RTL3: variants seen among roughly 807,000 people sequenced by gnomAD.
The protein encoded by RTL3 is retrotransposon Gag like 3.
For synonymous variants in RTL3, 181 were observed against 132.2 expected (o/e 1.37, Z -2.53); for missense variants, 468 against 341.8 (o/e 1.37, Z -2.91).
At position 78,657,109 on chromosome X, in the gene RTL3, G is replaced by T; in HGVS notation, c.1312C>A (p.Arg438Ser). The T allele has an allele frequency of 8.2e-7, 1 of 1,212,161 alleles. No homozygotes were observed. The highest frequency in any genetic ancestry group is 1.1e-6 in the Non-Finnish European group (1 of 895,589). The change falls in exon 2 of 2, where the codon CGT (arginine) becomes AGT (serine). Residue 438 changes from arginine (R) to serine (S), a missense_variant. Arg to Ser is a moderately radical substitution (Grantham distance 110). Coordinates refer to ENST00000321110, the MANE Select transcript of RTL3 (RefSeq NM_152694.3). The stretch of plus-strand genomic sequence containing the variant: ...AGGCATAAGCGGCCTTTGTGCCAAC[G>T]GACCCATTCAGCTTCACTGATGTGT... ...CPHISEAEWV[R>S]WHKGRLCLYC...
In RTL3 at chrX:78,657,477, G is replaced by A. The variant is rs1321043532; in HGVS notation, c.944C>T (p.Thr315Ile). The A allele has an allele frequency of 8.3e-7, 1 of 1,206,193 alleles. No individual in the cohort carries two copies. Among genetic ancestry groups the A allele is most frequent in the African/African-American group, 1.8e-5 (1 of 57,112 alleles). The part of the protein sequence containing the change: ...CESFIPVLQD[T>I]FDNPENMKDA... ...TTTCATGTTTTCTGGATTATCAAAA[G>A]TATCCTGGAGCACAGGTATGAAACT... is the stretch of plus-strand genomic sequence containing the variant. Residue 315 changes from threonine (T) to isoleucine (I), a missense_variant, in exon 2 of 2, where the codon ACT (threonine) becomes ATT (isoleucine). Coordinates refer to ENST00000321110, the MANE Select transcript of RTL3 (RefSeq NM_152694.3).
At chrX:78,658,906 G>A (rs1236224395) in intron 1 of RTL3, among the ~76,000 whole-genome samples, 1 of 110,998 alleles carries the variant, frequency 9.0e-6, no homozygotes, top group East Asian at 2.8e-4. Context: ...GTTTTATATA[G>A]TCTTTAATCT....
Position 78,657,113 on chromosome X carries a change from C to T in RTL3, c.1308G>A (p.Trp436Ter). ...INCPHISEAEWVRWHKGRLCL... is the reference protein window; with the variant it reads ...INCPHISEAE ...ATAAGCGGCCTTTGTGCCAACGGAC[C>T]CATTCAGCTTCACTGATGTGTGGGC... The change falls in exon 2 of 2, where the codon TGG (tryptophan) becomes TGA (stop). Residue 436 changes from tryptophan to a stop codon, truncating the protein, a stop_gained. Coordinates refer to ENST00000321110, the MANE Select transcript of RTL3 (RefSeq NM_152694.3). LOFTEE classifies it low-confidence loss of function (END_TRUNC). 1 of 1,212,113 alleles carries T rather than the reference C, an allele frequency of 8.3e-7. No individual in the cohort carries two copies. Among genetic ancestry groups the T allele is most frequent in the Non-Finnish European group, 1.1e-6 (1 of 895,566 alleles).
chrX:78,658,487 T>A lies in RTL3; in HGVS notation c.-67A>T. 1 of 1,007,100 alleles carries A rather than the reference T, an allele frequency of 9.9e-7. No homozygotes were observed. The highest frequency in any genetic ancestry group is 1.3e-6 in the Non-Finnish European group (1 of 755,520). The allele number at this position is 1,007,100 out of a possible 1,213,427, so 83.0% of individuals were successfully genotyped here. A position where few individuals can be genotyped will look rare whatever the true frequency, so the allele number is the denominator to read the frequency against. The stretch of plus-strand genomic sequence containing the variant: ...AGAGATTGGGTGGGTGTTTGTGAGA[T>A]CCTTCCTGAAAGCTGCTTACAGGCA... On this transcript the variant is annotated 5_prime_UTR_variant, in exon 2 of 2. Transcript: ENST00000321110.
At position 78,657,625 on chromosome X, in the gene RTL3, C is replaced by T. The variant is rs1312466892; in HGVS notation, c.796G>A (p.Gly266Arg). The change falls in exon 2 of 2, where the codon GGG (glycine) becomes AGG (arginine). Residue 266 changes from glycine (G) to arginine (R), a missense_variant. Coordinates refer to ENST00000321110, the MANE Select transcript of RTL3 (RefSeq NM_152694.3). ...GCTGCTTCAGTGGGATACAGGTGCC[C>T]TCTGACTCTCATGTAACTATACAGC... is the stretch of plus-strand genomic sequence containing the variant. Reference protein sequence around the residue: ...VQLYSYMRVRGHLYPTEAALV... With the variant: ...VQLYSYMRVRRHLYPTEAALV... The T allele has an allele frequency of 8.3e-7, 1 of 1,207,111 alleles. No homozygotes were observed. The highest frequency in any genetic ancestry group is 1.8e-5 in the South Asian group (1 of 56,028).
In RTL3 at chrX:78,657,261, G is replaced by A. The variant is rs1923016286; in HGVS notation, c.1160C>T (p.Thr387Ile). The stretch of plus-strand genomic sequence containing the variant: ...CTTCTCTTCCAGGCTGATGCACTGA[G>A]TGATGAGATCAGATAGGTTGGTGGC... Reference protein sequence around the residue: ...SPATNLSDLITQCISLEEKPD... With the variant: ...SPATNLSDLIIQCISLEEKPD... Residue 387 changes from threonine to isoleucine, a missense_variant, in exon 2 of 2, where the codon ACT becomes ATT. By Grantham distance (89) the Thr-to-Ile change is moderately conservative. Coordinates refer to ENST00000321110, the MANE Select transcript of RTL3 (RefSeq NM_152694.3). 2 of 1,210,503 alleles carry A rather than the reference G, an allele frequency of 1.7e-6. No individual in the cohort carries two copies. The highest frequency in any genetic ancestry group is 2.2e-5 in the Admixed American group (1 of 45,859).
In RTL3 at chrX:78,656,989, C is replaced by T. The variant is rs1429073762; in HGVS notation, c.*4G>A. 1 of 1,202,510 alleles carries T rather than the reference C, an allele frequency of 8.3e-7. No individual in the cohort carries two copies. Among genetic ancestry groups the T allele is most frequent in the Non-Finnish European group, 1.1e-6 (1 of 890,045 alleles). ...TTTGTAGATTGGCCCACGTGGGGTC[C>T]CCCTTACTGGCAGGCCTGGATGTTT... On this transcript the variant is annotated 3_prime_UTR_variant, in exon 2 of 2. Coordinates refer to ENST00000321110, the MANE Select transcript of RTL3 (RefSeq NM_152694.3).
chrX:78,658,305 T>A lies in RTL3; in HGVS notation c.116A>T (p.Glu39Val), dbSNP rs369781806. The A allele has an allele frequency of 3.9e-4, 470 of 1,208,841 alleles. No homozygotes were observed. The highest frequency in any genetic ancestry group is 5.2e-4 in the Non-Finnish European group (462 of 894,935). ...CTTGGCTGCTTGGGACTTCTGAAGC[T>A]CTGGGATCTGGGCCTGGAGAGCAGC... ...ENAALQAQIP[E>V]LQKSQAAKEY... is the part of the protein sequence containing the mutation. The change falls in exon 2 of 2, where the codon GAG becomes GTG. Residue 39 changes from glutamate to valine, a missense_variant. By Grantham distance (121) the Glu-to-Val change is moderately radical. Coordinates refer to ENST00000321110, the MANE Select transcript of RTL3 (RefSeq NM_152694.3).
chrX:78,658,071 G>T lies in RTL3; in HGVS notation c.350C>A (p.Pro117His). The change falls in exon 2 of 2, where the codon CCT becomes CAT. Residue 117 changes from proline to histidine, a missense_variant. Coordinates refer to ENST00000321110, the MANE Select transcript of RTL3 (RefSeq NM_152694.3). ...TTTCTGGGACTCCCGGGTTGCTGGA[G>T]GCGCCAGGGACTCTGGGGCTGCTGG... is the stretch of plus-strand genomic sequence containing the variant. ...EAPAAPESLA[P>H]PATRESQKPP... 1 of 1,152,205 alleles carries T rather than the reference G, an allele frequency of 8.7e-7. No individual in the cohort carries two copies. The highest frequency in any genetic ancestry group is 1.1e-6 in the Non-Finnish European group (1 of 870,744). 95.0% of individuals were successfully genotyped at this position (1,152,205 alleles called of 1,213,427 possible).
chrX:78,656,792 T>C lies in RTL3; in HGVS notation c.*201A>G. Reference sequence around the variant, plus strand: ...ACAGTTTCCAGCATCAGAGGGAAGATATTACTGCGGATGGGCAGCTTCTCT... The same window carrying C: ...ACAGTTTCCAGCATCAGAGGGAAGACATTACTGCGGATGGGCAGCTTCTCT... On this transcript the variant is annotated 3_prime_UTR_variant, in exon 2 of 2. Transcript: ENST00000321110. 2.3e-6 allele frequency: 1 copy of C among 435,523 alleles called. No homozygotes were observed. Among genetic ancestry groups the C allele is most frequent in the South Asian group, 4.6e-5 (1 of 21,736 alleles). The allele number at this position is 435,523 out of a possible 1,213,427, so 35.9% of individuals were successfully genotyped here. A position where few individuals can be genotyped will look rare whatever the true frequency, so the allele number is the denominator to read the frequency against.
At position 78,658,404 on chromosome X, in the gene RTL3, G is replaced by A. The variant is rs998289867; in HGVS notation, c.17C>T (p.Ala6Val). The change falls in exon 2 of 2, where the codon GCA becomes GTA. Residue 6 changes from alanine to valine, a missense_variant. By Grantham distance (64) the Ala-to-Val change is moderately conservative. Coordinates refer to ENST00000321110, the MANE Select transcript of RTL3 (RefSeq NM_152694.3). The stretch of plus-strand genomic sequence containing the variant: ...CAATTTCAGAACAATATAGGAGGCT[G>A]CTAAGTCCTCCACCATCTTTTGAGG... MVEDL[A>V]ASYIVLKLEN... The A allele has an allele frequency of 1.7e-6, 2 of 1,199,273 alleles. No individual in the cohort carries two copies. Among genetic ancestry groups the A allele is most frequent in the African/African-American group, 3.5e-5 (2 of 56,656 alleles).
rs1922995922 is a variant in RTL3, at chrX:78,656,835, A to G, written c.*158T>C. On this transcript the variant is annotated 3_prime_UTR_variant, in exon 2 of 2. Coordinates refer to ENST00000321110, the MANE Select transcript of RTL3 (RefSeq NM_152694.3). Reference sequence around the variant, plus strand: ...GCTTCTCTCGAAGAACCACAGTATGATCAATGCTGTTTCTGTAGGAGCCTG... The same window carrying G: ...GCTTCTCTCGAAGAACCACAGTATGGTCAATGCTGTTTCTGTAGGAGCCTG... 1.8e-6 allele frequency: 1 copy of G among 570,944 alleles called. No individual in the cohort carries two copies. The highest frequency in any genetic ancestry group is 3.6e-5 in the East Asian group (1 of 27,617). 47.1% of individuals were successfully genotyped at this position (570,944 alleles called of 1,213,427 possible).
At position 78,656,316 on chromosome X, in the gene RTL3, GA is replaced by G. The variant is rs397946878; in HGVS notation, c.*676del. On this transcript the variant is annotated 3_prime_UTR_variant, in exon 2 of 2. Coordinates refer to ENST00000321110, the MANE Select transcript of RTL3 (RefSeq NM_152694.3). ...TGAGATAGAGGCATGCAGAGTTAGT[GA>G]AAAAAAAAAAAGCAGCTCAAAGTCA... 100 of 100,138 alleles carry G rather than the reference GA, an allele frequency of 1.0e-3. No homozygotes were observed. Among genetic ancestry groups the G allele is most frequent in the South Asian group, 3.6e-3 (8 of 2,235 alleles). The allele number at this position is 100,138 out of a possible 1,213,427, so 8.3% of individuals were successfully genotyped here.
Position 78,658,001 on chromosome X carries a change from C to T in RTL3, c.420G>A (p.Gly140=), listed in dbSNP as rs758440174. ...HEIPTVLEGQ[G]PANTQDATIA... ...TTGTGGCATCCTGGGTGTTTGCAGG[C>T]CCCTGGCCCTCCAAGACTGTTGGGA... Residue 140 remains glycine, a synonymous_variant, in exon 2 of 2, where the codon GGG becomes GGA. Transcript: ENST00000321110. 3.0e-5 allele frequency: 36 copies of T among 1,186,995 alleles called. No homozygotes were observed. In the South Asian group the frequency reaches 6.1e-4, roughly 20 times the overall value.
At chrX:78,658,769 T>C (rs751636354) in intron 1 of RTL3, 121 bp from the exon 2 acceptor site, 2 of 148,182 alleles carry the variant, frequency 1.3e-5, no homozygotes, top group African/African-American at 6.2e-5. Flanking sequence ...TGAGCTGGGG[T>C]ATATATGCTG....
chrX:78,658,356 TG>T lies in RTL3; in HGVS notation c.64del (p.Gln22LysfsTer5), dbSNP rs775076209. On this transcript the variant is annotated frameshift_variant, in exon 2 of 2. Coordinates refer to ENST00000321110, the MANE Select transcript of RTL3 (RefSeq NM_152694.3). LOFTEE classifies it low-confidence loss of function (END_TRUNC). ...ATTTTCTTCCATCAGCCACTGCACT[TG>T]AGCCTGCCGAATTTCATTCTCCAAT... Reference protein sequence around the residue: ...LKLENEIRQAQVQWLMEENAA... With the variant: ...LKLENEIRQAXVQWLMEENAA... 9.9e-6 allele frequency: 12 copies of T among 1,208,954 alleles called. No individual in the cohort carries two copies. Among genetic ancestry groups the T allele is most frequent in the Non-Finnish European group, 1.1e-5 (10 of 894,971 alleles).
rs754103218 is a variant in RTL3, at chrX:78,658,336, C to T, written c.85G>A (p.Glu29Lys). 7 of 1,211,364 alleles carry T rather than the reference C, an allele frequency of 5.8e-6. No homozygotes were observed. Among genetic ancestry groups the T allele is most frequent in the Non-Finnish European group, 1.1e-6 (1 of 895,423 alleles). Reference protein sequence around the residue: ...RQAQVQWLMEENAALQAQIPE... With the variant: ...RQAQVQWLMEKNAALQAQIPE... ...ATCTGGGCCTGGAGAGCAGCATTTT[C>T]TTCCATCAGCCACTGCACTTGAGCC... is the stretch of plus-strand genomic sequence containing the variant. Residue 29 changes from glutamate (E) to lysine (K), a missense_variant, in exon 2 of 2, where the codon GAA becomes AAA. By Grantham distance (56) the Glu-to-Lys change is moderately conservative. Coordinates refer to ENST00000321110, the MANE Select transcript of RTL3 (RefSeq NM_152694.3).
In RTL3 at chrX:78,657,003, G is replaced by A. The variant is rs749063336; in HGVS notation, c.1418C>T (p.Ala473Val). ...HQALQAGNIQACQ is the reference protein window; with the variant it reads ...HQALQAGNIQVCQ ...CACGTGGGGTCCCCCTTACTGGCAG[G>A]CCTGGATGTTTCCCGCCTGCAGGGC... The change falls in exon 2 of 2, where the codon GCC (alanine) becomes GTC (valine). Residue 473 changes from alanine to valine, a missense_variant. Ala to Val is a moderately conservative substitution (Grantham distance 64). Coordinates refer to ENST00000321110, the MANE Select transcript of RTL3 (RefSeq NM_152694.3). The A allele has an allele frequency of 9.9e-6, 12 of 1,207,006 alleles. No individual in the cohort carries two copies. In the South Asian group the frequency reaches 1.8e-4, roughly 18 times the overall value.
intron 1 of RTL3, 85 bp from the exon 2 acceptor site, chrX:78,658,733 T>A (rs1158267642): frequency 5.4e-6 from 1 of 186,784 alleles, no homozygotes; most frequent in Non-Finnish European, 1.0e-5. Context: ...CAATGCTGGG[T>A]TTCTTTTACC....
Sources: gnomAD v4.1 joint callset for allele counts (sites outside exome capture counted in the v4.1 genomes callset) on GRCh38, gnomAD v4.1.1 for gene constraint, MANE v1.5 for transcripts, NCBI Gene and HGNC (gene_info 2026-07-23, HGNC 2026-07-21) for gene names.